The following NT5DC1 variants were observed in gnomAD, a reference collection of about 807,000 sequenced individuals.
NT5DC1 encodes the protein 5'-nucleotidase domain containing 1.
NT5DC1 carries 42 observed loss-of-function variants against 59.4 expected under a neutral mutation model. The ratio of observed to expected loss-of-function variants is 0.71; its 90% confidence interval spans 0.55 to 0.92. The LOEUF (loss-of-function observed/expected upper bound fraction) is 0.92, where lower values mean the gene tolerates loss of function less well. Ranked by LOEUF, NT5DC1 falls within the 40% of genes least tolerant of loss-of-function variation. The pLI, the probability that NT5DC1 is intolerant of heterozygous loss-of-function variation, is 0.00. For missense variants in NT5DC1, 501 were observed against 537.1 expected (o/e 0.93, Z 0.66); for synonymous variants, 172 against 188.1 (o/e 0.91, Z 0.70).
chr6:116,103,889 T>C (rs1223718609), intron 1 of NT5DC1, among the ~76,000 whole-genome samples: 5 of 152,120 alleles, frequency 3.3e-5, no homozygotes, highest in East Asian at 1.9e-4. Context: ...TGCATGCTTA[T>C]ACTAAAAAAA....
chr6:116,224,996 A>G (rs1243928498), intron 8 of NT5DC1, among the ~76,000 whole-genome samples: 3 of 152,176 alleles, frequency 2.0e-5, no homozygotes, highest in African/African-American at 7.2e-5. Context: ...TGGAGTTGGA[A>G]AACACAGAGG....
At chr6:116,118,379 C>A (rs796968602) in intron 6 of NT5DC1, among the ~76,000 whole-genome samples, 2 of 152,252 alleles carry the variant, frequency 1.3e-5, no homozygotes, top group African/African-American at 4.8e-5. Context: ...GCAGAGATAT[C>A]ACCAATCTTG....
chr6:116,210,589 G>T (rs1781556016), intron 6 of NT5DC1, among the ~76,000 whole-genome samples: 1 of 151,770 alleles, frequency 6.6e-6, no homozygotes, highest in Non-Finnish European at 1.5e-5. Flanking sequence ...CTGTTCCTGG[G>T]GTCATTATGA....
intron 6 of NT5DC1, among the ~76,000 whole-genome samples, chr6:116,138,696 T>C (rs999734950): frequency 6.6e-6 from 1 of 152,186 alleles, no homozygotes; most frequent in Admixed American, 6.5e-5. Context: ...TGGGAGACTT[T>C]TGAATTATTA....
At chr6:116,212,692 G>T (rs189798231) in intron 6 of NT5DC1, among the ~76,000 whole-genome samples, 1 of 152,106 alleles carries the variant, frequency 6.6e-6, no homozygotes, top group East Asian at 1.9e-4. Flanking sequence ...TTAATGGGTG[G>T]CAGGGAGGCA....
intron 6 of NT5DC1, among the ~76,000 whole-genome samples, chr6:116,153,508 T>G (rs1423293037): frequency 6.6e-6 from 1 of 152,178 alleles, no homozygotes; most frequent in East Asian, 1.9e-4. Context: ...AATTTTTAGT[T>G]ATAAACATTT....
At chr6:116,142,217 A>G (rs1424457465) in intron 6 of NT5DC1, among the ~76,000 whole-genome samples, 1 of 152,050 alleles carries the variant, frequency 6.6e-6, no homozygotes, top group Non-Finnish European at 1.5e-5. Context: ...AAGTTGTGGG[A>G]CCAAATTTAG....
chr6:116,209,942 T>G (rs1781542037), intron 6 of NT5DC1, among the ~76,000 whole-genome samples: 1 of 152,070 alleles, frequency 6.6e-6, no homozygotes, highest in Non-Finnish European at 1.5e-5. Flanking sequence ...CATATAGATT[T>G]AGACACATAA....
At chr6:116,149,047 G>GT (rs1039270151) in intron 6 of NT5DC1, among the ~76,000 whole-genome samples, 4 of 152,078 alleles carry the variant, frequency 2.6e-5, no homozygotes, top group African/African-American at 9.7e-5. Flanking sequence ...CATTCCATGT[G>GT]TTTTTTAAAT....
chr6:116,114,678 C>G (rs533448725), intron 4 of NT5DC1, among the ~76,000 whole-genome samples: 2 of 152,090 alleles, frequency 1.3e-5, no homozygotes, highest in Admixed American at 1.3e-4. Flanking sequence ...AGGTTGGGTT[C>G]CCTCAAAAGC....
At chr6:116,172,050 C>T (rs940843726) in intron 6 of NT5DC1, among the ~76,000 whole-genome samples, 1 of 152,174 alleles carries the variant, frequency 6.6e-6, no homozygotes, top group South Asian at 2.1e-4. Flanking sequence ...AACACTCTCA[C>T]TTCCATCCAC....
intron 6 of NT5DC1, among the ~76,000 whole-genome samples, chr6:116,202,312 C>A (rs1336067479): frequency 6.6e-6 from 1 of 151,878 alleles, no homozygotes; most frequent in Non-Finnish European, 1.5e-5. Context: ...ATACATAGAT[C>A]AGTAGCAGAA....
intron 6 of NT5DC1, among the ~76,000 whole-genome samples, chr6:116,138,680 A>G (rs1344695890): frequency 3.9e-5 from 6 of 152,166 alleles, no homozygotes; most frequent in Admixed American, 3.9e-4. Flanking sequence ...AAACTTCTCA[A>G]TATTTTGGGA....
rs1190979559 is a variant in NT5DC1, at chr6:116,244,194, T to C, written c.*170T>C. On this transcript the variant is annotated 3_prime_UTR_variant, in exon 12 of 12. Transcript: ENST00000319550. ...TCATCTTGATGTTTAACAACTCTTA[T>C]TATATTAAAATCTCAGTATCCTAAA... The C allele has an allele frequency of 4.6e-6, 2 of 439,326 alleles. No individual in the cohort carries two copies. Among genetic ancestry groups the C allele is most frequent in the African/African-American group, 2.0e-5 (1 of 49,250 alleles). 27.2% of individuals were successfully genotyped at this position (439,326 alleles called of 1,614,324 possible).
At chr6:116,134,798 G>A (rs1231865354) in intron 6 of NT5DC1, among the ~76,000 whole-genome samples, 1 of 152,146 alleles carries the variant, frequency 6.6e-6, no homozygotes, top group East Asian at 1.9e-4. Context: ...TGGCTAATAA[G>A]TTAGAATTTC....
chr6:116,121,923 G>GT, intron 6 of NT5DC1: 1 of 1,613,690 alleles, frequency 6.2e-7, no homozygotes, highest in African/African-American at 1.3e-5. Context: ...GCAGGGCCTG[G>GT]TGGACCAGGA....
At chr6:116,150,857 A>G (rs1780021254) in intron 6 of NT5DC1, among the ~76,000 whole-genome samples, 1 of 152,198 alleles carries the variant, frequency 6.6e-6, no homozygotes, top group Non-Finnish European at 1.5e-5. Context: ...ATGTCACATC[A>G]AATTTTGTGT....
intron 6 of NT5DC1, among the ~76,000 whole-genome samples, chr6:116,152,845 T>C (rs914945223): frequency 2.0e-5 from 3 of 152,292 alleles, no homozygotes; most frequent in Non-Finnish European, 4.4e-5. Flanking sequence ...AGTTATTTAT[T>C]TTCTATAGTT....
At chr6:116,202,097 AC>A (rs2084017178) in intron 6 of NT5DC1, among the ~76,000 whole-genome samples, 1 of 151,976 alleles carries the variant, frequency 6.6e-6, no homozygotes, top group South Asian at 2.1e-4. Context: ...AGTTGCAGGA[AC>A]TGACTTAAAT....
Sources: allele counts gnomAD v4.1 joint callset (sites outside exome capture counted in the v4.1 genomes callset), GRCh38; gene constraint gnomAD v4.1.1; transcripts MANE v1.5; gene names NCBI Gene and HGNC (gene_info 2026-07-23, HGNC 2026-07-21).